Variants in SGCZ observed in about 807,000 individuals in gnomAD.
SGCZ encodes the protein sarcoglycan zeta, also known as zeta-sarcoglycan.
Under a neutral mutation model 41.3 loss-of-function variants are expected in SGCZ, and 40 were observed. The ratio of observed to expected loss-of-function variants is 0.97; its 90% confidence interval spans 0.75 to 1.26. The LOEUF is 1.26. Ranked by LOEUF, SGCZ falls within the 50% of genes most tolerant of loss-of-function variation. The pLI is 0.00. For synonymous variants in SGCZ, 206 were observed against 137.5 expected (o/e 1.50, Z -3.49); for missense variants, 552 against 369.8 (o/e 1.49, Z -4.04).
At chr8:15,080,883 C>T (rs1033214889) in intron 1 of SGCZ, among the ~76,000 whole-genome samples, 11 of 152,004 alleles carry the variant, frequency 7.2e-5, no homozygotes, top group African/African-American at 2.2e-4. Flanking sequence ...TGAGCCACCG[C>T]GCCTGGCTCT....
At chr8:14,227,931 C>T (rs186733042) in intron 4 of SGCZ, among the ~76,000 whole-genome samples, 2 of 152,066 alleles carry the variant, frequency 1.3e-5, no homozygotes, top group African/African-American at 2.4e-5. Context: ...ATGGTTTCCC[C>T]CTAGCTTCTC....
At chr8:15,167,038 A>G (rs924678769) in intron 1 of SGCZ, among the ~76,000 whole-genome samples, 2 of 152,010 alleles carry the variant, frequency 1.3e-5, no homozygotes, top group Non-Finnish European at 2.9e-5. Flanking sequence ...AGAGTCAAGG[A>G]AACTTATTTT....
intron 1 of SGCZ, among the ~76,000 whole-genome samples, chr8:14,929,070 C>T (rs577467517): frequency 3.4e-4 from 51 of 152,048 alleles, no homozygotes; most frequent in Non-Finnish European, 5.9e-4. Flanking sequence ...CGGCTCACTG[C>T]GACCTCCACC....
rs116131030 is a variant in SGCZ, at chr8:14,845,032, C to G, written c.40-290106G>C. ...TTTACAAGATAGACTTCAGAAGAGACAAGAGCTGCATAGAGGGTGAATTCT... is the reference window on the plus strand; with the variant it reads ...TTTACAAGATAGACTTCAGAAGAGAGAAGAGCTGCATAGAGGGTGAATTCT... On this transcript the variant is annotated intron_variant, in intron 1 of 7. Transcript: ENST00000382080. Among the ~76,000 whole-genome samples the G allele has an allele frequency of 6.2e-3, 939 of 152,240 alleles. 6 individuals are homozygous for G. Among genetic ancestry groups the G allele is most frequent in the African/African-American group, 0.021 (878 of 41,548 alleles).
chr8:14,102,688 C>T (rs748317643), intron 6 of SGCZ, among the ~76,000 whole-genome samples, 189 bp from the exon 7 acceptor site: 10 of 151,962 alleles, frequency 6.6e-5, no homozygotes, highest in Non-Finnish European at 1.3e-4. Context: ...TTTTGATTGA[C>T]GTATCTATTT....
At chr8:14,288,566 T>G (rs1393295684) in intron 3 of SGCZ, among the ~76,000 whole-genome samples, 1 of 152,188 alleles carries the variant, frequency 6.6e-6, no homozygotes, top group Non-Finnish European at 1.5e-5. Context: ...TCACTTAGCA[T>G]GATGTTTTCA....
chr8:14,738,032 G>C (rs975081820), intron 1 of SGCZ, among the ~76,000 whole-genome samples: 1 of 152,028 alleles, frequency 6.6e-6, no homozygotes, highest in African/African-American at 2.4e-5. Context: ...TAGTGAGGTA[G>C]AAAGCTCTCA....
At position 15,237,638 on chromosome 8, in the gene SGCZ, C is replaced by A; in HGVS notation, c.-15G>T. 6.3e-7 allele frequency: 1 copy of A among 1,580,346 alleles called. No individual in the cohort carries two copies. Among genetic ancestry groups the A allele is most frequent in the Non-Finnish European group, 8.6e-7 (1 of 1,160,990 alleles). ...GATCTGTCCATGGAGCGCAACTAAA[C>A]GAAGTGGAGAGGAACCGGGCGAGTG... On this transcript the variant is annotated 5_prime_UTR_variant, in exon 1 of 8. Coordinates refer to ENST00000382080, the MANE Select transcript of SGCZ (RefSeq NM_139167.4).
chr8:14,295,055 C>T (rs1020666604), intron 3 of SGCZ, among the ~76,000 whole-genome samples: 1 of 151,970 alleles, frequency 6.6e-6, no homozygotes, highest in Non-Finnish European at 1.5e-5. Context: ...CCTATGTGAC[C>T]CAGCATTCTG....
chr8:14,555,105 C>G (rs1585075937), intron 1 of SGCZ, among the ~76,000 whole-genome samples, 179 bp from the exon 2 acceptor site: 1 of 151,804 alleles, frequency 6.6e-6, no homozygotes, highest in African/African-American at 2.4e-5. Flanking sequence ...TCATTTTGTT[C>G]AATATAGTTT....
chr8:14,660,500 G>A (rs903468466), intron 1 of SGCZ, among the ~76,000 whole-genome samples: 1 of 150,420 alleles, frequency 6.6e-6, no homozygotes, highest in Admixed American at 6.6e-5. Context: ...TGAAACCAGA[G>A]GCGGAGGTTT....
At chr8:14,967,663 T>C (rs1801165458) in intron 1 of SGCZ, among the ~76,000 whole-genome samples, 1 of 152,144 alleles carries the variant, frequency 6.6e-6, no homozygotes, top group Non-Finnish European at 1.5e-5. Context: ...GTGACACTTC[T>C]TACAGTTGAG....
At chr8:14,546,998 T>A (rs1803650325) in intron 2 of SGCZ, among the ~76,000 whole-genome samples, 1 of 151,988 alleles carries the variant, frequency 6.6e-6, no homozygotes, top group Non-Finnish European at 1.5e-5. Flanking sequence ...CCATAAAGCC[T>A]GGTCTATAAT....
At position 14,121,189 on chromosome 8, in the gene SGCZ, A is replaced by C. The variant is rs569511317; in HGVS notation, c.548-12954T>G. ...TTGAATATTGAACATAAAATTTAGTATTAACATATATTCAACATTCAATTA... is the reference window on the plus strand; with the variant it reads ...TTGAATATTGAACATAAAATTTAGTCTTAACATATATTCAACATTCAATTA... On this transcript the variant is annotated intron_variant, in intron 5 of 7. Transcript: ENST00000382080. Among the ~76,000 whole-genome samples, 3 of 152,224 alleles carry C rather than the reference A, an allele frequency of 2.0e-5. No individual in the cohort carries two copies. In the South Asian group the frequency reaches 6.2e-4, roughly 32 times the overall value.
intron 2 of SGCZ, among the ~76,000 whole-genome samples, chr8:14,454,005 T>C (rs111748940): frequency 0.017 from 2,607 of 152,264 alleles, 90 homozygotes; most frequent in African/African-American, 0.06. Flanking sequence ...AAAAAAATAA[T>C]TGTTTTTAAT....
At chr8:14,799,765 C>G (rs928436661) in intron 1 of SGCZ, among the ~76,000 whole-genome samples, 1 of 152,050 alleles carries the variant, frequency 6.6e-6, no homozygotes, top group African/African-American at 2.4e-5. Context: ...TCTCTAAAAC[C>G]TCATGCCCCT....
chr8:14,253,940 C>CTTT (rs34262465), intron 3 of SGCZ, among the ~76,000 whole-genome samples: 2 of 126,366 alleles, frequency 1.6e-5, no homozygotes, highest in African/African-American at 2.7e-5. Context: ...ACTTGTTCTG[C>CTTT]TTTTCATGAA....
At chr8:14,849,885 GC>G (rs1367313735) in intron 1 of SGCZ, among the ~76,000 whole-genome samples, 1 of 152,042 alleles carries the variant, frequency 6.6e-6, no homozygotes, top group Non-Finnish European at 1.5e-5. Flanking sequence ...TTTAAATTAG[GC>G]ACTTTTTAAA....
rs1489688458 is a variant in SGCZ, at chr8:14,721,288, T to G, written c.40-166362A>C. Among the ~76,000 whole-genome samples the G allele has an allele frequency of 3.3e-5, 5 of 152,210 alleles. No homozygotes were observed. In the East Asian group the frequency reaches 5.8e-4, roughly 18 times the overall value. On this transcript the variant is annotated intron_variant, in intron 1 of 7. Coordinates refer to ENST00000382080, the MANE Select transcript of SGCZ (RefSeq NM_139167.4). Reference sequence around the variant, plus strand: ...ATGCATTTTGTATCTCCATCTCATCTTTCCTTAGAACCAGAGATTTATGTA... The same window carrying G: ...ATGCATTTTGTATCTCCATCTCATCGTTCCTTAGAACCAGAGATTTATGTA...
Sources: gnomAD v4.1 joint callset for allele counts (sites outside exome capture counted in the v4.1 genomes callset) on GRCh38, gnomAD v4.1.1 for gene constraint, MANE v1.5 for transcripts, NCBI Gene and HGNC (gene_info 2026-07-23, HGNC 2026-07-21) for gene names.